The following FRMD4B variants were observed in gnomAD, a reference collection of about 807,000 sequenced individuals.
FRMD4B encodes the protein FERM domain containing 4B.
Under a neutral mutation model 141.5 loss-of-function variants are expected in FRMD4B, and 74 were observed. The ratio of observed to expected loss-of-function variants is 0.52; its 90% confidence interval spans 0.43 to 0.63. The LOEUF (loss-of-function observed/expected upper bound fraction) is 0.63, where lower values mean the gene tolerates loss of function less well. Ranked by LOEUF, FRMD4B falls within the 30% of genes least tolerant of loss-of-function variation. FRMD4B has a pLI of 0.00. For synonymous variants in FRMD4B, 506 were observed against 467.9 expected (o/e 1.08, Z -1.05); for missense variants, 1,366 against 1,253.4 (o/e 1.09, Z -1.36).
At chr3:69,292,870 G>T in intron 4 of FRMD4B, 3 of 150,914 alleles carry the variant, frequency 2.0e-5, no homozygotes, top group South Asian at 9.5e-5. Context: ...TGCTTACTGT[G>T]AGCGATTTCA....
chr3:69,220,573 T>C (rs897937352), intron 9 of FRMD4B, among the ~76,000 whole-genome samples: 2 of 152,166 alleles, frequency 1.3e-5, no homozygotes, highest in Non-Finnish European at 2.9e-5. Flanking sequence ...GATTAGAGGC[T>C]AGGCACAGTG....
intron 1 of FRMD4B, among the ~76,000 whole-genome samples, chr3:69,489,920 A>T (rs1240082452): frequency 6.6e-6 from 1 of 152,234 alleles, no homozygotes; most frequent in East Asian, 1.9e-4. Context: ...TAAAATACTG[A>T]TAGAGCTACA....
At chr3:69,286,129 C>T (rs1700681498) in intron 5 of FRMD4B, among the ~76,000 whole-genome samples, 1 of 151,998 alleles carries the variant, frequency 6.6e-6, no homozygotes, top group African/African-American at 2.4e-5. Context: ...ACTAGTATGC[C>T]CACACTATAA....
intron 7 of FRMD4B, among the ~76,000 whole-genome samples, chr3:69,246,073 G>C (rs1170379653): frequency 6.6e-6 from 1 of 152,030 alleles, no homozygotes; most frequent in Non-Finnish European, 1.5e-5. Context: ...CCGACCTCAG[G>C]TGATCCACCT....
intron 7 of FRMD4B, among the ~76,000 whole-genome samples, chr3:69,246,065 G>A (rs569911962): frequency 2.0e-5 from 3 of 152,122 alleles, no homozygotes; most frequent in East Asian, 3.9e-4. Context: ...TCGAATTCCC[G>A]ACCTCAGGTG....
chr3:69,355,595 G>A (rs1305803027), intron 1 of FRMD4B, among the ~76,000 whole-genome samples: 1 of 152,174 alleles, frequency 6.6e-6, no homozygotes, highest in Non-Finnish European at 1.5e-5. Flanking sequence ...AGTTGGGCTA[G>A]ATTAGGCAAG....
intron 22 of FRMD4B, among the ~76,000 whole-genome samples, chr3:69,172,934 T>G (rs892380872): frequency 1.3e-5 from 2 of 152,214 alleles, no homozygotes; most frequent in Non-Finnish European, 2.9e-5. Context: ...AGTGTTTTCA[T>G]GTAACATAAA....
In FRMD4B at chr3:69,517,998, A is replaced by C. The variant is rs150401152; in HGVS notation, c.-129+24208T>G. Reference sequence around the variant, plus strand: ...TGCATTTCTAACAAGTCCCCAAGAGATGCTGCTGCTGCTGCTGCTGGTTTA... The same window carrying C: ...TGCATTTCTAACAAGTCCCCAAGAGCTGCTGCTGCTGCTGCTGCTGGTTTA... On this transcript the variant is annotated intron_variant, in intron 1 of 5. Transcript: ENST00000459638. 2.3e-3 allele frequency among the ~76,000 whole-genome samples: 354 copies of C among 152,154 alleles called. 2 individuals are homozygous for C. Among genetic ancestry groups the C allele is most frequent in the African/African-American group, 8.1e-3 (335 of 41,544 alleles).
chr3:69,332,092 A>C (rs368337701), intron 1 of FRMD4B, among the ~76,000 whole-genome samples: 186 of 152,232 alleles, frequency 1.2e-3, no homozygotes, highest in African/African-American at 3.8e-3. Context: ...ATCTCAGAAA[A>C]AAACAAACAA....
intron 5 of FRMD4B, among the ~76,000 whole-genome samples, chr3:69,269,988 A>G (rs1394442049): frequency 6.6e-6 from 1 of 151,434 alleles, no homozygotes; most frequent in Non-Finnish European, 1.5e-5. Flanking sequence ...CCTGAAATGG[A>G]TATCTTTATC....
chr3:69,327,116 T>C (rs1702213915), intron 1 of FRMD4B, among the ~76,000 whole-genome samples: 1 of 152,128 alleles, frequency 6.6e-6, no homozygotes. Flanking sequence ...AAATGAAAGT[T>C]CTCCAGTTGC....
In FRMD4B at chr3:69,281,710, G is replaced by C. The variant is rs532240851; in HGVS notation, c.501+6042C>G. ...GTGGTGATGCGTGCCTGTAATCCCA[G>C]CTACTCAGGAGGCTAAAGCAGGAGA... is the stretch of plus-strand genomic sequence containing the variant. On this transcript the variant is annotated intron_variant, in intron 5 of 22. Coordinates refer to ENST00000398540, the MANE Select transcript of FRMD4B (RefSeq NM_015123.3). Among the ~76,000 whole-genome samples the C allele has an allele frequency of 7.9e-5, 12 of 151,954 alleles. No individual in the cohort carries two copies. The South Asian group carries it at 2.5e-3, about 32-fold the overall frequency.
intron 21 of FRMD4B, 83 bp from the exon 22 acceptor site, chr3:69,176,739 A>AAGAGG: frequency 1.2e-6 from 1 of 859,094 alleles, no homozygotes; most frequent in Non-Finnish European, 1.9e-6. Flanking sequence ...GGTACATTGC[A>AAGAGG]ATCAGCTTTG....
intron 1 of FRMD4B, among the ~76,000 whole-genome samples, chr3:69,504,224 A>T (rs1462337546): frequency 2.0e-5 from 3 of 152,066 alleles, no homozygotes; most frequent in South Asian, 2.1e-4. Flanking sequence ...AGAATAATTT[A>T]TTTACCCAGC....
chr3:69,488,615 G>A (rs147384289), intron 1 of FRMD4B, among the ~76,000 whole-genome samples: 78 of 152,152 alleles, frequency 5.1e-4, no homozygotes, highest in Admixed American at 8.5e-4. Flanking sequence ...AAAAGTTTAA[G>A]GTATAGGCCT....
intron 21 of FRMD4B, among the ~76,000 whole-genome samples, chr3:69,178,558 G>A (rs570256109): frequency 1.8e-4 from 28 of 152,146 alleles, no homozygotes; most frequent in African/African-American, 6.7e-4. Context: ...TGTAGTCCTA[G>A]CTACTTGGGA....
intron 4 of FRMD4B, 101 bp from the exon 5 acceptor site, chr3:69,287,937 C>A: frequency 1.6e-6 from 1 of 611,982 alleles, no homozygotes; most frequent in Non-Finnish European, 2.9e-6. Context: ...TTTGAGAAAC[C>A]TGAGGAAGGT....
intron 22 of FRMD4B, 60 bp from the exon 23 acceptor site, chr3:69,172,041 A>G: frequency 3.9e-6 from 6 of 1,527,322 alleles, no homozygotes; most frequent in Non-Finnish European, 4.5e-6. Flanking sequence ...CCACAGCACA[A>G]AGACTACTAC....
chr3:69,274,873 T>C (rs987781861), intron 5 of FRMD4B, among the ~76,000 whole-genome samples: 5 of 152,218 alleles, frequency 3.3e-5, no homozygotes, highest in African/African-American at 9.6e-5. Flanking sequence ...AATAACGTTT[T>C]ATCTAACATC....
Sources: gnomAD v4.1 joint callset for allele counts (sites outside exome capture counted in the v4.1 genomes callset) on GRCh38, gnomAD v4.1.1 for gene constraint, MANE v1.5 for transcripts, NCBI Gene and HGNC (gene_info 2026-07-23, HGNC 2026-07-21) for gene names.